Variants in SGF29 observed in about 807,000 individuals in gnomAD.
The protein encoded by SGF29 is SAGA complex associated factor 29, also known as SAGA-associated factor 29.
In SGF29, 15 loss-of-function variants were observed where a neutral mutation model predicts 38.1. That is an observed-to-expected ratio of 0.39 (90% confidence interval 0.26 to 0.61). The LOEUF (loss-of-function observed/expected upper bound fraction) is 0.61, where lower values mean the gene tolerates loss of function less well. Ranked by LOEUF, SGF29 falls within the 20% of genes least tolerant of loss-of-function variation. SGF29 has a pLI of 0.49. For synonymous variants in SGF29, 151 were observed against 160.8 expected, an observed-to-expected ratio of 0.94 and a Z score of 0.46; for missense variants, 184 against 394.6, an observed-to-expected ratio of 0.47 and a Z score of 4.52.
chr16:28,565,723 G>A (rs903522939), intron 1 of SGF29, among the ~76,000 whole-genome samples: 7 of 151,718 alleles, frequency 4.6e-5, no homozygotes, highest in Non-Finnish European at 7.4e-5. Context: ...TCCTGACCTC[G>A]TGATCCACCC....
intron 1 of SGF29, among the ~76,000 whole-genome samples, chr16:28,569,696 G>T (rs144194448): frequency 2.6e-5 from 4 of 152,188 alleles, no homozygotes; most frequent in Non-Finnish European, 4.4e-5. Context: ...GAATATGAAA[G>T]GTGTGGCCAA....
chr16:28,561,521 AGACTCC>A (rs2046789968), intron 1 of SGF29, among the ~76,000 whole-genome samples: 1 of 152,212 alleles, frequency 6.6e-6, no homozygotes, highest in East Asian at 1.9e-4. Context: ...CAACAGAGCA[AGACTCC>A]GTCTCTAAAA....
rs1465351058 is a variant in SGF29 at position 28,569,576 on chromosome 16, TG to T, written c.-15-11476del. Among the ~76,000 whole-genome samples, 4 of 152,004 alleles carry T rather than the reference TG, an allele frequency of 2.6e-5. No individual in the cohort carries two copies. In the East Asian group the frequency reaches 5.8e-4, roughly 22 times the overall value. ...CTGAGGTGGGAGGATCACTTGAACC[TG>T]GGAGATTGAGGCTGCAGTGAGCTGA... On this transcript the variant is annotated intron_variant, in intron 1 of 9. Coordinates refer to ENST00000317058, the MANE Select transcript of SGF29 (RefSeq NM_138414.3).
intron 1 of SGF29, among the ~76,000 whole-genome samples, chr16:28,564,527 G>GTA (rs1182904889): frequency 1.6e-4 from 19 of 118,086 alleles, no homozygotes; most frequent in Admixed American, 2.9e-4. Context: ...ATATGTGTGT[G>GTA]TATATATATA....
intron 1 of SGF29, among the ~76,000 whole-genome samples, chr16:28,566,222 C>T (rs2046835531): frequency 2.0e-5 from 3 of 150,156 alleles, no homozygotes; most frequent in Admixed American, 2.0e-4. Context: ...TGCAGTGAGC[C>T]AAGATCGCGC....
chr16:28,584,857 G>T, intron 2 of SGF29, 56 bp from the exon 3 acceptor site: 2 of 1,325,966 alleles, frequency 1.5e-6, no homozygotes, highest in South Asian at 2.4e-5. Context: ...TGGCTGGCAG[G>T]GTACCACAGC....
intron 2 of SGF29, among the ~76,000 whole-genome samples, chr16:28,583,364 A>C (rs1372558158): frequency 1.3e-5 from 2 of 152,242 alleles, no homozygotes; most frequent in Non-Finnish European, 2.9e-5. Flanking sequence ...CAGCGGCAGC[A>C]GTACTAGTCT....
At chr16:28,564,527 GTA>G (rs1182904889) in intron 1 of SGF29, among the ~76,000 whole-genome samples, 1 of 118,082 alleles carries the variant, frequency 8.5e-6, no homozygotes, top group Non-Finnish European at 1.7e-5. Context: ...ATATGTGTGT[GTA>G]TATATATATG....
chr16:28,582,172 A>G lies in SGF29; in HGVS notation c.75+1028A>G, dbSNP rs117924831. Reference sequence around the variant, plus strand: ...TTTTAGACGTAACCTGGAGAGTAAGAGTCAGAAGATGCCGGCACTCATTGC... The same window carrying G: ...TTTTAGACGTAACCTGGAGAGTAAGGGTCAGAAGATGCCGGCACTCATTGC... On this transcript the variant is annotated intron_variant, in intron 2 of 9. Coordinates refer to ENST00000317058, the MANE Select transcript of SGF29 (RefSeq NM_138414.3). Among the ~76,000 whole-genome samples the G allele has an allele frequency of 2.5e-4, 38 of 152,338 alleles. No homozygotes were observed. The East Asian group carries it at 7.0e-3, about 28-fold the overall frequency.
intron 1 of SGF29, among the ~76,000 whole-genome samples, chr16:28,578,857 G>A (rs1308554052): frequency 2.6e-5 from 4 of 152,046 alleles, no homozygotes; most frequent in Non-Finnish European, 5.9e-5. Context: ...CAGGTGAATC[G>A]CTTGAACCCA....
chr16:28,573,898 C>T (rs538453319), intron 1 of SGF29, among the ~76,000 whole-genome samples: 19 of 152,198 alleles, frequency 1.2e-4, no homozygotes, highest in African/African-American at 4.6e-4. Flanking sequence ...GACTTGGCCA[C>T]GTGGTTGCAG....
intron 4 of SGF29, 141 bp downstream of exon 4, chr16:28,585,861 C>G: frequency 1.3e-6 from 1 of 763,756 alleles, no homozygotes; most frequent in Non-Finnish European, 2.2e-6. Flanking sequence ...TTGGGTCCCG[C>G]ATTCCCTGGC....
chr16:28,581,291 A>G, intron 2 of SGF29, 147 bp downstream of exon 2: 1 of 695,584 alleles, frequency 1.4e-6, no homozygotes, highest in Non-Finnish European at 2.5e-6. Flanking sequence ...AATTTGGTGT[A>G]TGGCTACCAT....
rs757454699 is a variant in SGF29 at position 28,590,669 on chromosome 16, G to A, written c.602+3G>A. 4 of 1,614,158 alleles carry A rather than the reference G, an allele frequency of 2.5e-6. No homozygotes were observed. Among genetic ancestry groups the A allele is most frequent in the East Asian group, 4.5e-5 (2 of 44,872 alleles). ...GACATCGATGAAGAAGGCAAAGAGT[G>A]AGTGTCCAGGCCAGGGCAGGGCATG... On this transcript the variant is annotated splice_donor_region_variant and intron_variant, in intron 8 of 9. Transcript: ENST00000317058. This position sits in a 1 kb window ranked among gnomAD's most constrained non-coding sequence, Gnocchi z 8.2.
chr16:28,575,253 A>G (rs2046885924), intron 1 of SGF29, among the ~76,000 whole-genome samples: 2 of 152,324 alleles, frequency 1.3e-5, no homozygotes, highest in Admixed American at 6.5e-5. Flanking sequence ...CTATATGACA[A>G]TGCATTGTGT....
chr16:28,564,708 C>CATATATATGTATATATATGTGT (rs1555474884), intron 1 of SGF29, among the ~76,000 whole-genome samples: 1 of 50,238 alleles, frequency 2.0e-5, no homozygotes, highest in African/African-American at 5.5e-5. Context: ...TATATATATA[C>CATATATATGTATATATATGTGT]ATATATATGT....
intron 1 of SGF29, among the ~76,000 whole-genome samples, chr16:28,558,745 A>G (rs2046768126): frequency 6.6e-6 from 1 of 152,232 alleles, no homozygotes; most frequent in South Asian, 2.1e-4. Context: ...TTACTGATAC[A>G]TGCTGTGACA....
chr16:28,581,490 A>G (rs2046925571), intron 2 of SGF29, among the ~76,000 whole-genome samples: 1 of 152,132 alleles, frequency 6.6e-6, no homozygotes, highest in African/African-American at 2.4e-5. Context: ...CCCAACAAAA[A>G]TGCCCCATAT....
chr16:28,563,844 C>T (rs561763669), intron 1 of SGF29, among the ~76,000 whole-genome samples: 4 of 151,932 alleles, frequency 2.6e-5, no homozygotes, highest in African/African-American at 9.7e-5. Context: ...CCTCAGCCTC[C>T]TGAGTAGCTG....
Sources: allele counts gnomAD v4.1 joint callset (sites outside exome capture counted in the v4.1 genomes callset), GRCh38; gene constraint gnomAD v4.1.1; non-coding constraint Gnocchi (gnomAD v3.1); transcripts MANE v1.5; gene names NCBI Gene and HGNC (gene_info 2026-07-23, HGNC 2026-07-21).